TMEM237: variants seen among roughly 807,000 people sequenced by gnomAD.
TMEM237 encodes the protein amyotrophic lateral sclerosis 2 (juvenile) chromosome region, candidate 4.
In TMEM237, 51 loss-of-function variants were observed where a neutral mutation model predicts 59.1. That is an observed-to-expected ratio of 0.86 (90% CI 0.69 to 1.09). TMEM237 has a LOEUF of 1.09. Ranked by LOEUF, TMEM237 falls within the 50% of genes least tolerant of loss-of-function variation. The pLI, the probability that TMEM237 is intolerant of heterozygous loss-of-function variation, is 0.00. For synonymous variants in TMEM237, 140 were observed against 166.1 expected, an observed-to-expected ratio of 0.84 and a Z score of 1.21; for missense variants, 475 against 478.3, an observed-to-expected ratio of 0.99 and a Z score of 0.06.
chr2:201,629,372 TC>T lies in TMEM237; in HGVS notation c.726del (p.Trp242Ter). The part of the protein sequence containing the change: ...SHGFLAGCAV[W>X]NIVVIYVLAG... ...GCTAGAACATATATCACAACAATAT[TC>T]CACACAGCACAGCCAGCCAAGAATC... On this transcript the variant is annotated frameshift_variant, in exon 9 of 13. Coordinates refer to ENST00000409883, the MANE Select transcript of TMEM237 (RefSeq NM_001044385.3). LOFTEE classifies it high-confidence loss of function. 1 of 1,602,810 alleles carries T rather than the reference TC, an allele frequency of 6.2e-7. No individual in the cohort carries two copies.
At chr2:201,640,423 C>T (rs1687390064) in intron 2 of TMEM237, among the ~76,000 whole-genome samples, 158 bp from the exon 3 acceptor site, 1 of 152,110 alleles carries the variant, frequency 6.6e-6, no homozygotes, top group African/African-American at 2.4e-5. Context: ...AGTTTACAAA[C>T]TAGTTTACTG....
intron 7 of TMEM237, among the ~76,000 whole-genome samples, chr2:201,630,655 T>G (rs575577714): frequency 6.6e-6 from 1 of 152,312 alleles, no homozygotes; most frequent in Non-Finnish European, 1.5e-5. Context: ...GCAGGGAAAT[T>G]TCTATGCTAA....
At chr2:201,624,674 T>G (rs1468251683) in intron 12 of TMEM237, among the ~76,000 whole-genome samples, 1 of 152,118 alleles carries the variant, frequency 6.6e-6, no homozygotes, top group Non-Finnish European at 1.5e-5. Flanking sequence ...ATCTGAAACA[T>G]AGGGGACAGA....
At chr2:201,629,648 A>C in intron 8 of TMEM237, 81 bp downstream of exon 8, 1 of 1,532,270 alleles carries the variant, frequency 6.5e-7, no homozygotes, top group Non-Finnish European at 8.7e-7. Flanking sequence ...ATAATACTGA[A>C]CAACCAAGAG....
chr2:201,634,461 G>C (rs10179766), intron 5 of TMEM237: 1 of 152,206 alleles, frequency 6.6e-6, no homozygotes, highest in South Asian at 2.1e-4. Context: ...AACCTGCCAG[G>C]CTTGGTGTAC....
At position 201,628,141 on chromosome 2, in the gene TMEM237, A is replaced by C. The variant is rs1209527419; in HGVS notation, c.878T>G (p.Phe293Cys). 11 of 1,601,940 alleles carry C rather than the reference A, an allele frequency of 6.9e-6. No individual in the cohort carries two copies. The highest frequency in any genetic ancestry group is 5.1e-5 in the Admixed American group (3 of 58,762). The change falls in exon 10 of 13, where the codon TTT becomes TGT. Residue 293 changes from phenylalanine to cysteine, a missense_variant. Physicochemically the swap from Phe to Cys is radical, Grantham distance 205. Transcript: ENST00000409883. The stretch of plus-strand genomic sequence containing the variant: ...TCGGATTGCTACTGATATTTTAGCA[A>C]AGTCAATCCTAGAAAATATAAAAGT... ...STISAFDRIDFAKISVAIRNF... is the reference protein window; with the variant it reads ...STISAFDRIDCAKISVAIRNF...
chr2:201,629,202 T>C (rs1473318089), intron 9 of TMEM237, 28 bp downstream of exon 9: 2 of 1,463,256 alleles, frequency 1.4e-6, no homozygotes, highest in Non-Finnish European at 1.8e-6. Context: ...CTGAAGAAGT[T>C]AGACAGATCT....
rs1485759446 is a variant in TMEM237 at position 201,643,421 on chromosome 2, G to T, written c.-21C>A. 2 of 1,488,886 alleles carry T rather than the reference G, an allele frequency of 1.3e-6. No individual in the cohort carries two copies. Among genetic ancestry groups the T allele is most frequent in the Non-Finnish European group, 1.8e-6 (2 of 1,117,774 alleles). The allele number at this position is 1,488,886 out of a possible 1,614,324, so 92.2% of individuals were successfully genotyped here. On this transcript the variant is annotated 5_prime_UTR_variant, in exon 1 of 13. Transcript: ENST00000409883. This position sits in a 1 kb window ranked among gnomAD's most constrained non-coding sequence, Gnocchi z 4.3. ...CTCATGGTGCTCTCCCCGCGGGGCTGCCCCGGCGCAACCGCCGGCGGCCCG... is the reference window on the plus strand; with the variant it reads ...CTCATGGTGCTCTCCCCGCGGGGCTTCCCCGGCGCAACCGCCGGCGGCCCG...
At chr2:201,642,474 C>A in intron 1 of TMEM237, 1 of 991,964 alleles carries the variant, frequency 1.0e-6, no homozygotes, top group Admixed American at 3.0e-5. Context: ...GGGCTCTGTT[C>A]ACGTAACTGA....
chr2:201,642,627 T>C (rs1328275498), intron 1 of TMEM237: 1 of 1,608,822 alleles, frequency 6.2e-7, no homozygotes, highest in South Asian at 1.1e-5. Flanking sequence ...TCTTCCCCAT[T>C]CTGCGTTTAG....
chr2:201,634,420 C>A (rs1687255968), intron 5 of TMEM237: 1 of 152,204 alleles, frequency 6.6e-6, no homozygotes, highest in Non-Finnish European at 1.5e-5. Flanking sequence ...AATAAAAACA[C>A]AATTTTTAAA....
At chr2:201,640,996 ATTTT>A (rs370408283) in intron 1 of TMEM237, 72 bp from the exon 2 acceptor site, 6 of 1,074,952 alleles carry the variant, frequency 5.6e-6, no homozygotes, top group South Asian at 3.6e-5. Context: ...CCATCACGCT[ATTTT>A]TTTTTTTTTG....
In TMEM237 at chr2:201,623,976, AAT is replaced by A. The variant is rs1957734582; in HGVS notation, c.*277_*278del. Reference sequence around the variant, plus strand: ...AGTGCTTTTTAAGGTAATAGTTATAAATACAACTGTTTTGAGAAAATAGGAAA... The same window carrying A: ...AGTGCTTTTTAAGGTAATAGTTATAAACAACTGTTTTGAGAAAATAGGAAA... On this transcript the variant is annotated 3_prime_UTR_variant, in exon 13 of 13. Coordinates refer to ENST00000409883, the MANE Select transcript of TMEM237 (RefSeq NM_001044385.3). The A allele has an allele frequency of 1.2e-5, 3 of 257,320 alleles. No individual in the cohort carries two copies. The allele number at this position is 257,320 out of a possible 1,614,324, so 15.9% of individuals were successfully genotyped here. A position where few individuals can be genotyped will look rare whatever the true frequency, so the allele number is the denominator to read the frequency against.
chr2:201,639,819 G>C (rs1687378709), intron 3 of TMEM237, among the ~76,000 whole-genome samples: 1 of 152,044 alleles, frequency 6.6e-6, no homozygotes, highest in African/African-American at 2.4e-5. Context: ...AAAAAAAGTA[G>C]CCTAGATTGC....
Position 201,633,417 on chromosome 2 carries a change from A to AG in TMEM237, c.288dup (p.Ser97LeufsTer8). ...GAACTAGATGACTTCTTTTGGGTGG[A>AG]GGAAGTCTCCAATTCTGAAAACAAA... On this transcript the variant is annotated frameshift_variant, in exon 6 of 13. Transcript: ENST00000409883. LOFTEE classifies it high-confidence loss of function. 1 of 1,555,676 alleles carries AG rather than the reference A, an allele frequency of 6.4e-7. No homozygotes were observed. Among genetic ancestry groups the AG allele is most frequent in the Non-Finnish European group, 8.7e-7 (1 of 1,151,086 alleles).
intron 11 of TMEM237, 21 bp from the exon 12 acceptor site, chr2:201,626,168 AT>A: frequency 6.2e-7 from 1 of 1,607,200 alleles, no homozygotes. Context: ...AGAAACACTC[AT>A]TAGAAGTGCC....
At chr2:201,629,191 C>T in intron 9 of TMEM237, 39 bp downstream of exon 9, 1 of 1,415,468 alleles carries the variant, frequency 7.1e-7, no homozygotes, top group South Asian at 1.8e-5. Context: ...AGCATTTCCT[C>T]CTGAAGAAGT....
intron 4 of TMEM237, among the ~76,000 whole-genome samples, chr2:201,637,676 T>C (rs112416052): frequency 0.076 from 10,924 of 143,654 alleles, 584 homozygotes; most frequent in African/African-American, 0.15. Flanking sequence ...ACCCAGGAGG[T>C]GGAGGTTGCA....
Position 201,639,079 on chromosome 2 carries a change from G to C in TMEM237, c.80-34C>G, listed in dbSNP as rs79728701. 8.7e-4 allele frequency: 1,344 copies of C among 1,547,454 alleles called. 11 individuals carry two copies. In the African/African-American group the frequency reaches 0.015, roughly 17 times the overall value. On this transcript the variant is annotated intron_variant, in intron 3 of 12. Transcript: ENST00000409883. The stretch of plus-strand genomic sequence containing the variant: ...CAAGAAAAAACGTCAACAGAAAAGG[G>C]TGCCTAAAATTCAATGCAGAGAACA...
Sources: allele counts gnomAD v4.1 joint callset (sites outside exome capture counted in the v4.1 genomes callset), GRCh38; gene constraint gnomAD v4.1.1; non-coding constraint Gnocchi (gnomAD v3.1); transcripts MANE v1.5; gene names NCBI Gene and HGNC (gene_info 2026-07-23, HGNC 2026-07-21).